DST: variants seen among roughly 807,000 people sequenced by gnomAD.
DST encodes dystonin.
In DST, 253 loss-of-function variants were observed where a neutral mutation model predicts 875.2. The ratio of observed to expected loss-of-function variants is 0.29; its 90% CI spans 0.26 to 0.32. The LOEUF (loss-of-function observed/expected upper bound fraction) is 0.32, where lower values mean the gene tolerates loss of function less well. Ranked by LOEUF, DST falls within the 10% of genes least tolerant of loss-of-function variation. The probability of loss-of-function intolerance (pLI) is 1.00; values close to 1 mark genes in which losing one functional copy is unlikely to be tolerated. For synonymous variants in DST, 3,124 were observed against 3,197.1 expected, an observed-to-expected ratio of 0.98 and a Z score of 0.77; for missense variants, 8,287 against 9,111.6, an observed-to-expected ratio of 0.91 and a Z score of 3.68.
chr6:56,952,914 T>TA (rs541894199), intron 2 of DST, among the ~76,000 whole-genome samples: 1 of 152,236 alleles, frequency 6.6e-6, no homozygotes, highest in African/African-American at 2.4e-5. Flanking sequence ...ATAATACAGT[T>TA]AAAGTTTTTA....
intron 49 of DST, among the ~76,000 whole-genome samples, chr6:56,590,975 A>G (rs1263154398): frequency 6.6e-6 from 1 of 152,232 alleles, no homozygotes. Flanking sequence ...TAACAGCACA[A>G]TTTTTCGACT....
intron 2 of DST, among the ~76,000 whole-genome samples, chr6:56,934,229 G>T (rs1811685215): frequency 6.6e-6 from 1 of 151,800 alleles, no homozygotes; most frequent in African/African-American, 2.4e-5. Flanking sequence ...TTTAAGATGG[G>T]ATGCTAAAAC....
chr6:56,940,694 C>T (rs1179828980), intron 2 of DST, among the ~76,000 whole-genome samples: 1 of 151,932 alleles, frequency 6.6e-6, no homozygotes, highest in Non-Finnish European at 1.5e-5. Flanking sequence ...ATCCTCCCAC[C>T]TCAGCCTCTG....
At chr6:56,620,721 A>G (rs1266074321) in intron 36 of DST, 2 of 1,611,782 alleles carry the variant, frequency 1.2e-6, no homozygotes, top group South Asian at 2.2e-5. Context: ...TTAATCTACA[A>G]AAGACATTTT....
chr6:56,578,710 T>C lies in DST; in HGVS notation c.13027+104A>G, dbSNP rs539198393. ...CACCATTTCACAGAGAAAGAGCACATAGAACACAATCTATAACTAGTGAAC... is the reference window on the plus strand; with the variant it reads ...CACCATTTCACAGAGAAAGAGCACACAGAACACAATCTATAACTAGTGAAC... On this transcript the variant is annotated intron_variant, in intron 50 of 103. Coordinates refer to ENST00000680361, the MANE Select transcript of DST (RefSeq NM_001374736.1). 12 of 1,201,542 alleles carry C rather than the reference T, an allele frequency of 1.0e-5. No homozygotes were observed. The East Asian group carries it at 2.5e-4, about 25-fold the overall frequency. 74.4% of individuals were successfully genotyped at this position (1,201,542 alleles called of 1,614,324 possible).
At chr6:56,614,846 T>C (rs1173202478) in intron 36 of DST, 3 of 995,382 alleles carry the variant, frequency 3.0e-6, no homozygotes, top group Non-Finnish European at 3.6e-6. Context: ...AAAGGTACCA[T>C]AGAAGGCTGA....
intron 2 of DST, among the ~76,000 whole-genome samples, chr6:56,951,337 G>A (rs558634894): frequency 2.6e-5 from 4 of 152,272 alleles, no homozygotes; most frequent in Admixed American, 6.5e-5. Context: ...GAAACAGAAA[G>A]TACTAAATTC....
chr6:56,627,911 T>G, intron 33 of DST, 88 bp downstream of exon 33: 1 of 1,342,432 alleles, frequency 7.4e-7, no homozygotes, highest in South Asian at 1.2e-5. Context: ...AGTTGGTGAC[T>G]TTTTCATTTA....
chr6:56,945,990 C>T (rs542221043), intron 2 of DST, among the ~76,000 whole-genome samples: 43 of 152,082 alleles, frequency 2.8e-4, no homozygotes, highest in Non-Finnish European at 5.7e-4. Flanking sequence ...GGTTGCACAA[C>T]CTTGTGAATA....
chr6:56,636,311 A>AGT (rs554352021), intron 23 of DST, among the ~76,000 whole-genome samples: 1 of 150,024 alleles, frequency 6.7e-6, no homozygotes, highest in African/African-American at 2.5e-5. Context: ...CATATATAAC[A>AGT]GTGTGTGTAT....
At chr6:56,637,768 G>GCA (rs1005677596) in intron 22 of DST, among the ~76,000 whole-genome samples, 4 of 151,854 alleles carry the variant, frequency 2.6e-5, no homozygotes, top group Non-Finnish European at 4.4e-5. Context: ...CCAGAAGAGG[G>GCA]CACTCGAGAT....
At chr6:56,813,748 A>T (rs2099763479) in intron 4 of DST, among the ~76,000 whole-genome samples, 1 of 152,162 alleles carries the variant, frequency 6.6e-6, no homozygotes, top group Non-Finnish European at 1.5e-5. Flanking sequence ...CAAAAATGAG[A>T]TGGTGTTTTT....
At chr6:56,768,396 T>C (rs573246470) in intron 4 of DST, among the ~76,000 whole-genome samples, 5 of 152,268 alleles carry the variant, frequency 3.3e-5, no homozygotes, top group Admixed American at 3.3e-4. Context: ...CACACAAATT[T>C]AGTAAAGTGA....
intron 83 of DST, 24 bp from the exon 84 acceptor site, chr6:56,493,113 T>C (rs537088205): frequency 1.9e-6 from 3 of 1,596,942 alleles, no homozygotes; most frequent in South Asian, 1.1e-5. Context: ...TTGTTTAGTA[T>C]GTGATGTTTA....
chr6:56,688,753 T>G (rs1471173684), intron 9 of DST, among the ~76,000 whole-genome samples: 1 of 152,226 alleles, frequency 6.6e-6, no homozygotes. Context: ...CCATGGTCCC[T>G]GTCATTTGTT....
Position 56,735,382 on chromosome 6 carries a change from A to G in DST, c.626-93T>C, listed in dbSNP as rs1468605938. ...GAATATAAACAAAAATGAGATATTTAAAAGATATGCTTCAGTGTATTCAAA... is the reference window on the plus strand; with the variant it reads ...GAATATAAACAAAAATGAGATATTTGAAAGATATGCTTCAGTGTATTCAAA... On this transcript the variant is annotated intron_variant, in intron 4 of 103. Transcript: ENST00000680361. 1.0e-5 allele frequency: 8 copies of G among 795,654 alleles called. No homozygotes were observed. The Middle Eastern group carries it at 9.8e-4, about 97-fold the overall frequency. 49.3% of individuals were successfully genotyped at this position (795,654 alleles called of 1,614,324 possible).
chr6:56,646,422 G>T (rs905857298), intron 13 of DST, among the ~76,000 whole-genome samples: 2 of 152,244 alleles, frequency 1.3e-5, no homozygotes, highest in African/African-American at 4.8e-5. Flanking sequence ...GGGGGATCTG[G>T]ATAATAATAA....
At chr6:56,487,591 A>T (rs1323084797) in intron 86 of DST, among the ~76,000 whole-genome samples, 1 of 152,146 alleles carries the variant, frequency 6.6e-6, no homozygotes, top group Admixed American at 6.5e-5. Flanking sequence ...TATTTACCGT[A>T]TTTTCAACTT....
At chr6:56,707,692 C>T (rs550090295) in intron 5 of DST, among the ~76,000 whole-genome samples, 2 of 152,288 alleles carry the variant, frequency 1.3e-5, no homozygotes, top group South Asian at 2.1e-4. Flanking sequence ...ATTCTGAACA[C>T]TTATCTCATA....
Sources: gnomAD v4.1 joint callset for allele counts (sites outside exome capture counted in the v4.1 genomes callset) on GRCh38, gnomAD v4.1.1 for gene constraint, MANE v1.5 for transcripts, NCBI Gene and HGNC (gene_info 2026-07-23, HGNC 2026-07-21) for gene names.